The following MALRD1 variants were observed in gnomAD, a reference collection of about 807,000 sequenced individuals.
The protein encoded by MALRD1 is MAM and LDL-receptor class A domain-containing protein 1.
A neutral mutation model predicts 242.1 loss-of-function variants in MALRD1; 247 were observed. That is an observed-to-expected ratio of 1.02 (90% CI 0.92 to 1.13). The LOEUF (loss-of-function observed/expected upper bound fraction) is 1.13. Ranked by LOEUF, MALRD1 falls within the 50% of genes most tolerant of loss-of-function variation. MALRD1 has a pLI of 0.00. For synonymous variants in MALRD1, 995 were observed against 866.6 expected, an observed-to-expected ratio of 1.15 and a Z score of -2.60; for missense variants, 2,989 against 2,533.1, an observed-to-expected ratio of 1.18 and a Z score of -3.86.
At chr10:19,563,326 T>G (rs1836089657) in intron 32 of MALRD1, among the ~76,000 whole-genome samples, 1 of 152,162 alleles carries the variant, frequency 6.6e-6, no homozygotes, top group African/African-American at 2.4e-5. Flanking sequence ...CAAGGGAAAT[T>G]TTCCTATTAC....
At chr10:19,599,587 G>A (rs1353515783) in intron 34 of MALRD1, among the ~76,000 whole-genome samples, 3 of 152,186 alleles carry the variant, frequency 2.0e-5, no homozygotes, top group African/African-American at 7.2e-5. Flanking sequence ...TTCATCAGCT[G>A]TTGTGTCAGT....
intron 28 of MALRD1, among the ~76,000 whole-genome samples, chr10:19,413,718 T>C (rs1471393459): frequency 2.0e-5 from 3 of 152,032 alleles, no homozygotes; most frequent in African/African-American, 7.2e-5. Flanking sequence ...GTGTGGTGGC[T>C]TACACCTGTA....
chr10:19,138,464 A>G (rs1833431931), intron 10 of MALRD1, among the ~76,000 whole-genome samples: 5 of 143,300 alleles, frequency 3.5e-5, no homozygotes, highest in Admixed American at 2.3e-4. Context: ...TCTGTCACCC[A>G]GGCTGGAGTG....
intron 7 of MALRD1, among the ~76,000 whole-genome samples, chr10:19,125,350 T>TTTCG (rs1837240831): frequency 9.3e-6 from 1 of 107,130 alleles, no homozygotes; most frequent in Non-Finnish European, 1.9e-5. Flanking sequence ...TCTTTCTTTC[T>TTTCG]TTCTTTCTTT....
intron 36 of MALRD1, among the ~76,000 whole-genome samples, chr10:19,675,999 G>T (rs767652112): frequency 6.6e-6 from 1 of 152,122 alleles, no homozygotes; most frequent in Non-Finnish European, 1.5e-5. Context: ...AGATGAGTTA[G>T]CAAGATTGAT....
intron 32 of MALRD1, among the ~76,000 whole-genome samples, chr10:19,561,023 A>G (rs1478131768): frequency 6.6e-6 from 1 of 152,176 alleles, no homozygotes. Flanking sequence ...ATAATTAAAA[A>G]TCTATCTAAT....
intron 36 of MALRD1, among the ~76,000 whole-genome samples, chr10:19,670,970 C>A (rs955663162): frequency 6.6e-6 from 1 of 151,816 alleles, no homozygotes; most frequent in African/African-American, 2.4e-5. Flanking sequence ...GCTCCGCCTC[C>A]CGGGTTCACG....
intron 28 of MALRD1, among the ~76,000 whole-genome samples, chr10:19,394,541 A>G (rs1317140721): frequency 2.0e-5 from 3 of 152,138 alleles, no homozygotes; most frequent in African/African-American, 4.8e-5. Context: ...TTTTAACTTG[A>G]GTCTAGGGAG....
At chr10:19,475,394 G>T (rs1216884850) in intron 29 of MALRD1, among the ~76,000 whole-genome samples, 3 of 152,232 alleles carry the variant, frequency 2.0e-5, no homozygotes, top group East Asian at 3.9e-4. Context: ...CAGCCTGGGC[G>T]ACAGAGTAAG....
intron 36 of MALRD1, among the ~76,000 whole-genome samples, chr10:19,683,144 A>G (rs1317633340): frequency 6.6e-6 from 1 of 151,802 alleles, no homozygotes; most frequent in Non-Finnish European, 1.5e-5. Context: ...GAAAAAAAAA[A>G]AGAAAGAAGT....
chr10:19,238,637 T>C (rs1250605074), intron 18 of MALRD1, among the ~76,000 whole-genome samples: 2 of 136,042 alleles, frequency 1.5e-5, no homozygotes, highest in African/African-American at 2.7e-5. Flanking sequence ...ATTCCATATC[T>C]GATTATTAGA....
chr10:19,259,989 T>A (rs1839675996), intron 19 of MALRD1, among the ~76,000 whole-genome samples: 1 of 152,200 alleles, frequency 6.6e-6, no homozygotes, highest in Admixed American at 6.5e-5. Flanking sequence ...TAATCTCCAA[T>A]TCCTACAACA....
rs564368593 is a variant in MALRD1 at position 19,720,544 on chromosome 10, T to C, written c.6315-10162T>C. ...AAATTTGATTTCTAGAATCTTAAAG[T>C]CTAAGTTCCATCCTGCCTCTAATAA... On this transcript the variant is annotated intron_variant, in intron 38 of 39. Coordinates refer to ENST00000454679, the MANE Select transcript of MALRD1 (RefSeq NM_001142308.3). Among the ~76,000 whole-genome samples the C allele has an allele frequency of 1.0e-3, 157 of 152,284 alleles. 1 individual carries two copies. The highest frequency in any genetic ancestry group is 3.7e-3 in the African/African-American group (153 of 41,546).
At chr10:19,719,197 T>TATATATATACACAC in intron 38 of MALRD1, among the ~76,000 whole-genome samples, 1 of 31,626 alleles carries the variant, frequency 3.2e-5, no homozygotes, top group African/African-American at 1.4e-4. Context: ...TATACATACA[T>TATATATATACACAC]ATATATATAT....
chr10:19,228,543 T>C (rs1436768403), intron 18 of MALRD1, among the ~76,000 whole-genome samples: 1 of 152,232 alleles, frequency 6.6e-6, no homozygotes, highest in Non-Finnish European at 1.5e-5. Flanking sequence ...TGTGTGTACA[T>C]TATACTTAAA....
intron 18 of MALRD1, among the ~76,000 whole-genome samples, chr10:19,242,288 G>C (rs2131748233): frequency 6.6e-6 from 1 of 152,192 alleles, no homozygotes; most frequent in Non-Finnish European, 1.5e-5. Flanking sequence ...GAACAGTATG[G>C]GGGAAACCGC....
intron 36 of MALRD1, among the ~76,000 whole-genome samples, chr10:19,635,014 A>G (rs1257987685): frequency 6.6e-6 from 1 of 152,182 alleles, no homozygotes; most frequent in Non-Finnish European, 1.5e-5. Flanking sequence ...CCAGAACTGA[A>G]TATTTGTCAT....
At chr10:19,416,966 C>T (rs915603981) in intron 28 of MALRD1, among the ~76,000 whole-genome samples, 3 of 152,206 alleles carry the variant, frequency 2.0e-5, no homozygotes, top group Admixed American at 1.3e-4. Context: ...ATGAACACTT[C>T]GCTACCTGTC....
At chr10:19,424,205 G>T (rs1170715885) in intron 28 of MALRD1, among the ~76,000 whole-genome samples, 1 of 151,992 alleles carries the variant, frequency 6.6e-6, no homozygotes, top group African/African-American at 2.4e-5. Flanking sequence ...GCCCAGCCAG[G>T]GTGGAGTGCA....
Sources: allele counts gnomAD v4.1 joint callset (sites outside exome capture counted in the v4.1 genomes callset), GRCh38; gene constraint gnomAD v4.1.1; transcripts MANE v1.5; gene names NCBI Gene and HGNC (gene_info 2026-07-23, HGNC 2026-07-21).